Variants in ARAP2 observed in about 807,000 individuals in gnomAD.
ARAP2 encodes ArfGAP with RhoGAP domain, ankyrin repeat and PH domain 2.
Under a neutral mutation model 194.5 loss-of-function variants are expected in ARAP2, and 148 were observed. That is an observed-to-expected ratio of 0.76 (90% confidence interval 0.67 to 0.87). ARAP2 has a LOEUF of 0.87. Among genes scored for constraint, ARAP2 ranks in the 40% least tolerant of loss-of-function variants. The probability of loss-of-function intolerance (pLI) is 0.00; values close to 1 mark genes in which losing one functional copy is unlikely to be tolerated. For missense variants in ARAP2, 2,128 were observed against 1,989.7 expected (o/e 1.07, Z -1.32); for synonymous variants, 695 against 683.5 (o/e 1.02, Z -0.26).
At chr4:36,176,451 C>A (rs1022533341) in intron 9 of ARAP2, among the ~76,000 whole-genome samples, 1 of 152,206 alleles carries the variant, frequency 6.6e-6, no homozygotes, top group East Asian at 1.9e-4. Flanking sequence ...GAAACTCAGA[C>A]AGTTTAATGT....
At chr4:36,050,385 T>C (rs993920873) in intron 3 of ARAP2, among the ~76,000 whole-genome samples, 1 of 152,164 alleles carries the variant, frequency 6.6e-6, no homozygotes, top group East Asian at 1.9e-4. Context: ...CAGCAGTTTT[T>C]TGGAATTCTC....
chr4:36,231,472 A>T (rs1751455427), intron 1 of ARAP2, among the ~76,000 whole-genome samples: 1 of 152,230 alleles, frequency 6.6e-6, no homozygotes, highest in Admixed American at 6.5e-5. Flanking sequence ...GTCTATTTTT[A>T]CTAGCATTAT....
intron 9 of ARAP2, among the ~76,000 whole-genome samples, chr4:36,176,825 A>G (rs932562548): frequency 6.6e-5 from 10 of 152,124 alleles, no homozygotes; most frequent in Admixed American, 5.2e-4. Context: ...GAGGATGCCT[A>G]TAGTTAATTG....
At chr4:36,071,904 T>C (rs1266869738) in intron 32 of ARAP2, among the ~76,000 whole-genome samples, 1 of 150,074 alleles carries the variant, frequency 6.7e-6, no homozygotes, top group Non-Finnish European at 1.5e-5. Flanking sequence ...CCTGTGTCCA[T>C]GTGATCTCAT....
chr4:36,075,082 T>C lies in ARAP2; in HGVS notation c.4609-1259A>G, dbSNP rs2109323579. On this transcript the variant is annotated intron_variant, in intron 31 of 32. Transcript: ENST00000303965. ...TATTTTTATGACACAGTACCAAACA[T>C]GGTTAAAAAAAGCATATTATATAAT... Among the ~76,000 whole-genome samples the C allele has an allele frequency of 1.3e-5, 2 of 152,210 alleles. 1 individual carries two copies. Among genetic ancestry groups the C allele is most frequent in the East Asian group, 3.9e-4 (2 of 5,180 alleles).
At chr4:36,090,083 T>C (rs965787771) in intron 28 of ARAP2, among the ~76,000 whole-genome samples, 2 of 152,096 alleles carry the variant, frequency 1.3e-5, no homozygotes. Context: ...ATATTACTAC[T>C]GACCCCATAG....
intron 3 of ARAP2, among the ~76,000 whole-genome samples, chr4:36,051,276 C>T (rs1367591621): frequency 2.0e-5 from 3 of 152,066 alleles, no homozygotes; most frequent in Non-Finnish European, 2.9e-5. Context: ...CTGAGGAGCT[C>T]GAGACAAGCC....
chr4:36,224,311 A>C (rs1156297122), intron 2 of ARAP2, among the ~76,000 whole-genome samples: 3 of 151,856 alleles, frequency 2.0e-5, no homozygotes, highest in Non-Finnish European at 4.4e-5. Flanking sequence ...TAAAAAAAAA[A>C]AACACAATCA....
chr4:36,144,580 AC>A (rs1360411489), intron 19 of ARAP2, among the ~76,000 whole-genome samples: 2 of 151,958 alleles, frequency 1.3e-5, no homozygotes, highest in Non-Finnish European at 1.5e-5. Context: ...GCTAAAAAAC[AC>A]AATCTGACAT....
intron 12 of ARAP2, among the ~76,000 whole-genome samples, chr4:36,161,118 C>T (rs918756966): frequency 6.7e-6 from 1 of 150,118 alleles, no homozygotes; most frequent in African/African-American, 2.5e-5. Flanking sequence ...TTATTTTACC[C>T]ATGTTGGGTT....
At chr4:36,075,417 C>T (rs755682165) in intron 31 of ARAP2, among the ~76,000 whole-genome samples, 2 of 152,078 alleles carry the variant, frequency 1.3e-5, no homozygotes, top group Non-Finnish European at 2.9e-5. Flanking sequence ...AGTCATACAG[C>T]ACGGATCATA....
chr4:36,186,127 C>T (rs1419563256), intron 8 of ARAP2, among the ~76,000 whole-genome samples: 2 of 152,062 alleles, frequency 1.3e-5, no homozygotes, highest in African/African-American at 4.8e-5. Context: ...CCAAGAAGTA[C>T]TTCTAAAAAT....
intron 8 of ARAP2, among the ~76,000 whole-genome samples, chr4:36,178,941 G>T (rs1173374222): frequency 6.6e-6 from 1 of 152,110 alleles, no homozygotes; most frequent in African/African-American, 2.4e-5. Flanking sequence ...AGAGGGAAGA[G>T]AATAGGATTT....
chr4:36,049,239 A>C (rs1451253057), intron 3 of ARAP2, among the ~76,000 whole-genome samples: 1 of 152,184 alleles, frequency 6.6e-6, no homozygotes, highest in African/African-American at 2.4e-5. Context: ...AGTTGACAAA[A>C]AATTTTTTCT....
intron 5 of ARAP2, among the ~76,000 whole-genome samples, chr4:36,032,969 GTCCAGC>G (rs1424901444): frequency 6.6e-6 from 1 of 150,394 alleles, no homozygotes; most frequent in Non-Finnish European, 1.5e-5. Context: ...GTATACTGAT[GTCCAGC>G]TCCATCCACA....
chr4:36,193,689 T>C (rs970581984), intron 6 of ARAP2, 42 bp from the exon 7 acceptor site: 2 of 1,399,462 alleles, frequency 1.4e-6, no homozygotes, highest in East Asian at 2.3e-5. Flanking sequence ...TCAAGTAACA[T>C]GAACTTAGAT....
At chr4:36,164,848 A>G in intron 11 of ARAP2, 66 bp downstream of exon 11, 1 of 1,480,566 alleles carries the variant, frequency 6.8e-7, no homozygotes, top group Non-Finnish European at 9.4e-7. Context: ...ATAATATGCA[A>G]CAATGAAGAG....
chr4:36,011,548 ACAC>A (rs1351514205), intron 9 of ARAP2, among the ~76,000 whole-genome samples: 1 of 152,132 alleles, frequency 6.6e-6, no homozygotes, highest in Non-Finnish European at 1.5e-5. Flanking sequence ...AATCTTAGAA[ACAC>A]CCACAGAGCA....
chr4:36,062,169 TTTTGCTTTG>T (rs1387707932), downstream of ARAP2, among the ~76,000 whole-genome samples: 2 of 152,176 alleles, frequency 1.3e-5, no homozygotes, highest in African/African-American at 4.8e-5. Flanking sequence ...ATTTGTCCAT[TTTTGCTTTG>T]GTTGCCTGTG....
Sources: allele counts gnomAD v4.1 joint callset (sites outside exome capture counted in the v4.1 genomes callset), GRCh38; gene constraint gnomAD v4.1.1; transcripts MANE v1.5; gene names NCBI Gene and HGNC (gene_info 2026-07-23, HGNC 2026-07-21).